The following TRABD2B variants were observed in gnomAD, a reference collection of about 807,000 sequenced individuals.
TRABD2B encodes metalloprotease TIKI2.
Under a neutral mutation model 40.1 loss-of-function variants are expected in TRABD2B, and 14 were observed. The ratio of observed to expected loss-of-function variants is 0.35; its 90% CI spans 0.23 to 0.55. The LOEUF is 0.55. TRABD2B is among the 20% of genes least tolerant of loss of function. The pLI is 0.90. For missense variants in TRABD2B, 541 were observed against 648.6 expected, an observed-to-expected ratio of 0.83 and a Z score of 1.80; for synonymous variants, 263 against 277.0, an observed-to-expected ratio of 0.95 and a Z score of 0.50.
intron 2 of TRABD2B, among the ~76,000 whole-genome samples, chr1:47,897,649 T>C (rs1450681092): frequency 6.6e-6 from 1 of 152,216 alleles, no homozygotes; most frequent in East Asian, 1.9e-4. Context: ...AACTACATAC[T>C]TGTCCTTATC....
At chr1:47,981,963 G>A (rs974348923) in intron 2 of TRABD2B, among the ~76,000 whole-genome samples, 1 of 152,218 alleles carries the variant, frequency 6.6e-6, no homozygotes, top group Admixed American at 6.5e-5. Context: ...ACCCAGGGCA[G>A]AGCTGGGCCT....
rs17103975 is a variant in TRABD2B at position 47,976,064 on chromosome 1, T to C, written c.666+17970A>G. Among the ~76,000 whole-genome samples, 1,347 of 152,266 alleles carry C rather than the reference T, an allele frequency of 8.8e-3. 66 individuals carry two copies. Among genetic ancestry groups the C allele is most frequent in the Admixed American group, 0.078 (1,198 of 15,304 alleles). ...GACCTTCAAGGTCCCCTGCTTCATG[T>C]TCCTTTTCATGTGTCATTTGCATTC... On this transcript the variant is annotated intron_variant, in intron 2 of 6. Coordinates refer to ENST00000606738, the MANE Select transcript of TRABD2B (RefSeq NM_001194986.2).
chr1:47,775,533 G>T, intron 5 of TRABD2B, 94 bp from the exon 6 acceptor site: 1 of 1,199,430 alleles, frequency 8.3e-7, no homozygotes, highest in African/African-American at 1.6e-5. Context: ...AGTTTGTCAT[G>T]GCAGGAGAAA....
chr1:47,818,386 T>A (rs1024439706), intron 2 of TRABD2B, among the ~76,000 whole-genome samples: 1 of 152,210 alleles, frequency 6.6e-6, no homozygotes, highest in Non-Finnish European at 1.5e-5. Flanking sequence ...TTGGGACCTG[T>A]TTTGCCATCT....
intron 2 of TRABD2B, among the ~76,000 whole-genome samples, chr1:47,854,751 A>C (rs2124533226): frequency 6.6e-6 from 1 of 152,356 alleles, no homozygotes; most frequent in South Asian, 2.1e-4. Context: ...GGTAGAATTC[A>C]AGGTCAGGCT....
chr1:47,957,507 A>G (rs560122501), intron 2 of TRABD2B, among the ~76,000 whole-genome samples: 2 of 152,352 alleles, frequency 1.3e-5, no homozygotes, highest in South Asian at 2.1e-4. Flanking sequence ...AACAGCATAC[A>G]GAAGACCTTA....
At chr1:47,958,107 C>CTAAG (rs1031030546) in intron 2 of TRABD2B, among the ~76,000 whole-genome samples, 4 of 151,760 alleles carry the variant, frequency 2.6e-5, no homozygotes, top group African/African-American at 9.7e-5. Flanking sequence ...TCCAGCCAAA[C>CTAAG]TAAGCTTCAT....
rs182086683 is a variant in TRABD2B at position 47,988,263 on chromosome 1, G to A, written c.666+5771C>T. ...TGAAGTGTGGAGAACCAGGGCACAG[G>A]AGAGACTAATATTCAGGTGCTCTGT... On this transcript the variant is annotated intron_variant, in intron 2 of 6. Transcript: ENST00000606738. Among the ~76,000 whole-genome samples the A allele has an allele frequency of 4.6e-5, 7 of 152,278 alleles. No homozygotes were observed. In the East Asian group the frequency reaches 9.7e-4, roughly 21 times the overall value.
intron 5 of TRABD2B, 146 bp from the exon 6 acceptor site, chr1:47,775,585 G>A (rs1644434700): frequency 1.3e-6 from 1 of 785,736 alleles, no homozygotes; most frequent in African/African-American, 1.8e-5. Context: ...AGCAGCCCAG[G>A]AAAACCTCGT....
In TRABD2B at chr1:47,927,964, G is replaced by A. The variant is rs1644991912; in HGVS notation, c.666+66070C>T. 3.9e-5 allele frequency among the ~76,000 whole-genome samples: 6 copies of A among 152,322 alleles called. No individual in the cohort carries two copies. The South Asian group carries it at 1.2e-3, about 32-fold the overall frequency. On this transcript the variant is annotated intron_variant, in intron 2 of 6. Transcript: ENST00000606738. ...TTCAAAGTGCAGTCTTGGACCAGAA[G>A]CATAAGCATCCCCTGGAAGCTTGTC...
In TRABD2B at chr1:47,951,332, C is replaced by T. The variant is rs556757078; in HGVS notation, c.666+42702G>A. Among the ~76,000 whole-genome samples the T allele has an allele frequency of 4.6e-5, 7 of 152,344 alleles. No individual in the cohort carries two copies. In the East Asian group the frequency reaches 1.3e-3, roughly 29 times the overall value. ...GAAACAGACATGGCTTTCTTTCCAC[C>T]AACTGCTGCTTAAACAGCCCACTGG... On this transcript the variant is annotated intron_variant, in intron 2 of 6. Transcript: ENST00000606738.
At chr1:47,783,781 C>T (rs1454153285) in intron 4 of TRABD2B, among the ~76,000 whole-genome samples, 1 of 152,222 alleles carries the variant, frequency 6.6e-6, no homozygotes, top group East Asian at 1.9e-4. Flanking sequence ...GCCAGATCTA[C>T]CCCGCCTCCC....
At chr1:47,984,100 A>G (rs1343728728) in intron 2 of TRABD2B, among the ~76,000 whole-genome samples, 1 of 152,184 alleles carries the variant, frequency 6.6e-6, no homozygotes, top group African/African-American at 2.4e-5. Flanking sequence ...AGGAGATAAC[A>G]CTGGCCAGGA....
At chr1:47,856,000 T>C (rs1643886257) in intron 2 of TRABD2B, among the ~76,000 whole-genome samples, 1 of 152,204 alleles carries the variant, frequency 6.6e-6, no homozygotes, top group African/African-American at 2.4e-5. Context: ...CCCCAGACCC[T>C]GGCCCCTAGT....
chr1:47,886,746 C>G (rs1342516904), intron 2 of TRABD2B, among the ~76,000 whole-genome samples: 1 of 152,194 alleles, frequency 6.6e-6, no homozygotes, highest in African/African-American at 2.4e-5. Flanking sequence ...TAGGGACAAA[C>G]AGTGGTGAAT....
intron 2 of TRABD2B, among the ~76,000 whole-genome samples, chr1:47,920,713 C>A (rs754558266): frequency 2.0e-5 from 3 of 152,258 alleles, no homozygotes; most frequent in Non-Finnish European, 4.4e-5. Flanking sequence ...TAACTCCCTG[C>A]AGGGCAGAGA....
chr1:47,815,474 C>A (rs533108601), intron 2 of TRABD2B, among the ~76,000 whole-genome samples: 3 of 152,142 alleles, frequency 2.0e-5, no homozygotes, highest in Middle Eastern at 3.2e-3. Context: ...TCTCAAGGAG[C>A]CTCAGGCTCA....
At position 47,996,382 on chromosome 1, in the gene TRABD2B, G is replaced by C. The variant is rs942410516; in HGVS notation, c.102+306C>G. ...AGAAGGGTAAAGACAGAAAAAATAT[G>C]AGAAAGGAGAGACAAAAAGGGGCAG... On this transcript the variant is annotated intron_variant, in intron 1 of 6. Transcript: ENST00000606738. The surrounding 1 kb of genome is among the most constrained non-coding windows in gnomAD (Gnocchi z 4.6). 1.3e-5 allele frequency among the ~76,000 whole-genome samples: 2 copies of C among 152,170 alleles called. No homozygotes were observed. Among genetic ancestry groups the C allele is most frequent in the African/African-American group, 2.4e-5 (1 of 41,458 alleles).
intron 2 of TRABD2B, among the ~76,000 whole-genome samples, chr1:47,934,223 A>G (rs1645075984): frequency 6.6e-6 from 1 of 152,260 alleles, no homozygotes; most frequent in Non-Finnish European, 1.5e-5. Context: ...GAGACTGCAC[A>G]GCAGGTCCCT....
Sources: gnomAD v4.1 joint callset for allele counts (sites outside exome capture counted in the v4.1 genomes callset) on GRCh38, gnomAD v4.1.1 for gene constraint, Gnocchi (gnomAD v3.1) non-coding constraint, MANE v1.5 for transcripts, NCBI Gene and HGNC (gene_info 2026-07-23, HGNC 2026-07-21) for gene names.